The following ZKSCAN5 variants were observed in gnomAD, a reference collection of about 807,000 sequenced individuals.
ZKSCAN5 encodes zinc finger with KRAB and SCAN domains 5, also known as zinc finger protein with KRAB and SCAN domains 5.
ZKSCAN5 carries 28 observed loss-of-function variants against 60.0 expected under a neutral mutation model. That is an observed-to-expected ratio of 0.47 (90% CI 0.35 to 0.64). The LOEUF (loss-of-function observed/expected upper bound fraction) is 0.64, where lower values mean the gene tolerates loss of function less well. Among genes scored for constraint, ZKSCAN5 ranks in the 30% least tolerant of loss-of-function variants. The pLI is 0.01. For missense variants in ZKSCAN5, 881 were observed against 1,034.6 expected, an observed-to-expected ratio of 0.85 and a Z score of 2.04; for synonymous variants, 361 against 371.2, an observed-to-expected ratio of 0.97 and a Z score of 0.31.
Position 99,526,231 on chromosome 7 carries a change from A to G in ZKSCAN5, c.1191A>G (p.Thr397=), listed in dbSNP as rs756174982. The change falls in exon 6 of 7, where the codon ACA becomes ACG. Residue 397 remains threonine, a synonymous_variant. Coordinates refer to ENST00000326775, the MANE Select transcript of ZKSCAN5 (RefSeq NM_145102.4). The part of the protein sequence containing the change: ...VHLTQHQRVH[T]GEKPYKCQVC... ...TCACCCAGCACCAGCGCGTCCACAC[A>G]GGGGAGAAACCCTACAAATGTCAGG... The G allele has an allele frequency of 1.1e-5, 17 of 1,614,152 alleles. No homozygotes were observed. The highest frequency in any genetic ancestry group is 5.0e-5 in the Admixed American group (3 of 60,032).
intron 3 of ZKSCAN5, chr7:99,513,711 G>A (rs1253524649): frequency 3.0e-6 from 1 of 333,654 alleles, no homozygotes; most frequent in Non-Finnish European, 6.2e-6. Context: ...AGATTTTCTT[G>A]TCTTAATGCT....
At chr7:99,525,440 C>T (rs1310704304) in intron 5 of ZKSCAN5, among the ~76,000 whole-genome samples, 1 of 152,142 alleles carries the variant, frequency 6.6e-6, no homozygotes, top group Non-Finnish European at 1.5e-5. Flanking sequence ...CCACTGCACT[C>T]CAGCCTGGGT....
intron 6 of ZKSCAN5, among the ~76,000 whole-genome samples, chr7:99,530,784 C>T (rs1179605106): frequency 2.6e-5 from 4 of 152,132 alleles, no homozygotes; most frequent in African/African-American, 4.8e-5. Context: ...GGGCCAGGCA[C>T]GGTGGCTTAA....
Position 99,533,265 on chromosome 7 carries a change from C to T in ZKSCAN5, c.*1016C>T, listed in dbSNP as rs901239749. On this transcript the variant is annotated 3_prime_UTR_variant, in exon 7 of 7. Transcript: ENST00000326775. ...AAGTAATCAGTCGTGAGCAGGCAGGCAGGAGGTCCTGTTAGCCCTGCCTTC... is the reference window on the plus strand; with the variant it reads ...AAGTAATCAGTCGTGAGCAGGCAGGTAGGAGGTCCTGTTAGCCCTGCCTTC... 3 of 688,828 alleles carry T rather than the reference C, an allele frequency of 4.4e-6. No individual in the cohort carries two copies. The highest frequency in any genetic ancestry group is 2.4e-4 in the Middle Eastern group (1 of 4,140). 42.7% of individuals were successfully genotyped at this position (688,828 alleles called of 1,614,324 possible). A position where few individuals can be genotyped will look rare whatever the true frequency, so the allele number is the denominator to read the frequency against.
At chr7:99,530,663 G>A (rs988791602) in intron 6 of ZKSCAN5, among the ~76,000 whole-genome samples, 1 of 152,078 alleles carries the variant, frequency 6.6e-6, no homozygotes, top group Non-Finnish European at 1.5e-5. Context: ...TTACATTCCT[G>A]TTGGCATCAA....
chr7:99,512,814 TTTTA>T (rs942536186), intron 3 of ZKSCAN5, among the ~76,000 whole-genome samples: 3 of 151,548 alleles, frequency 2.0e-5, no homozygotes, highest in African/African-American at 4.8e-5. Context: ...TTTTTTTTTC[TTTTA>T]TTTATTTATT....
At chr7:99,507,523 G>GTGTA (rs1562901576) in intron 2 of ZKSCAN5, among the ~76,000 whole-genome samples, 1 of 133,818 alleles carries the variant, frequency 7.5e-6, no homozygotes. Flanking sequence ...GTGTATATAT[G>GTGTA]TATATGTGTA....
At chr7:99,517,088 G>A (rs1302657810) in intron 3 of ZKSCAN5, among the ~76,000 whole-genome samples, 1 of 152,114 alleles carries the variant, frequency 6.6e-6, no homozygotes, top group East Asian at 1.9e-4. Flanking sequence ...TCTTTGAGAT[G>A]GAGTTTTGCT....
intron 5 of ZKSCAN5, among the ~76,000 whole-genome samples, chr7:99,522,075 A>G (rs1373768364): frequency 6.6e-6 from 1 of 152,134 alleles, no homozygotes; most frequent in African/African-American, 2.4e-5. Flanking sequence ...CTATCTCTTC[A>G]TTATAACATC....
chr7:99,520,454 A>AT (rs11419307), intron 5 of ZKSCAN5, 150 bp downstream of exon 5: 150,987 of 772,506 alleles, frequency 0.2, 18,536 homozygotes, highest in African/African-American at 0.71. Context: ...ATCAGCCTTC[A>AT]TTTTTTTTTT....
At chr7:99,519,750 G>A in intron 3 of ZKSCAN5, 77 bp from the exon 4 acceptor site, 6 of 1,436,070 alleles carry the variant, frequency 4.2e-6, no homozygotes, top group Non-Finnish European at 5.8e-6. Context: ...ATGGATTCCT[G>A]AGCATAAGAG....
At position 99,531,444 on chromosome 7, in the gene ZKSCAN5, CTG is replaced by C; in HGVS notation, c.1716_1717del (p.Lys575ThrfsTer5). The C allele has an allele frequency of 6.2e-7, 1 of 1,614,212 alleles. No individual in the cohort carries two copies. Among genetic ancestry groups the C allele is most frequent in the Non-Finnish European group, 8.5e-7 (1 of 1,180,028 alleles). ...CTTATTCAACATCAAAGAATACACA[CTG>C]GGGAGAAACCATTCAGGTGTGAGGA... On this transcript the variant is annotated frameshift_variant, in exon 7 of 7. Transcript: ENST00000326775. LOFTEE classifies it high-confidence loss of function.
chr7:99,507,543 G>GTGTA (rs1554383867), intron 2 of ZKSCAN5, among the ~76,000 whole-genome samples: 1 of 139,490 alleles, frequency 7.2e-6, no homozygotes, highest in Admixed American at 7.1e-5. Flanking sequence ...ATATATATAT[G>GTGTA]TATATATATG....
At chr7:99,521,412 G>A (rs1039137411) in intron 5 of ZKSCAN5, among the ~76,000 whole-genome samples, 2 of 152,062 alleles carry the variant, frequency 1.3e-5, no homozygotes, top group African/African-American at 4.8e-5. Context: ...TGGCCAGGCT[G>A]GTCTCAAACT....
intron 2 of ZKSCAN5, among the ~76,000 whole-genome samples, chr7:99,510,262 C>T (rs1046395734): frequency 8.8e-5 from 13 of 148,236 alleles, no homozygotes; most frequent in African/African-American, 2.7e-4. Flanking sequence ...TTTTTTAAGA[C>T]GGAGTCTGGC....
At chr7:99,522,609 C>A (rs1470452931) in intron 5 of ZKSCAN5, among the ~76,000 whole-genome samples, 1 of 151,334 alleles carries the variant, frequency 6.6e-6, no homozygotes, top group Non-Finnish European at 1.5e-5. Flanking sequence ...GAGTAGCTCC[C>A]GAGTAATTTT....
At chr7:99,517,958 A>G (rs1801338364) in intron 3 of ZKSCAN5, among the ~76,000 whole-genome samples, 1 of 152,208 alleles carries the variant, frequency 6.6e-6, no homozygotes, top group Non-Finnish European at 1.5e-5. Context: ...TTTCCAAGGT[A>G]AGAATTGTTT....
rs943025632 is a variant in ZKSCAN5 at position 99,531,623 on chromosome 7, C to A, written c.1894C>A (p.Pro632Thr). ...QHQSVHSGER[P>T]FKCNECGKGF... is the part of the protein sequence containing the mutation. ...TCAGAGCGTGCACAGTGGGGAGAGA[C>A]CCTTCAAGTGTAACGAATGTGGGAA... The change falls in exon 7 of 7, where the codon CCC becomes ACC. Residue 632 changes from proline to threonine, a missense_variant. Physicochemically the swap from Pro to Thr is conservative, Grantham distance 38. Around this residue, in one of 5 missense-constraint regions of ZKSCAN5, gnomAD observed 112 missense variants for 182.4 expected, o/e 0.61. Coordinates refer to ENST00000326775, the MANE Select transcript of ZKSCAN5 (RefSeq NM_145102.4). 2.5e-6 allele frequency: 4 copies of A among 1,614,148 alleles called. No individual in the cohort carries two copies. Among genetic ancestry groups the A allele is most frequent in the Non-Finnish European group, 3.4e-6 (4 of 1,180,034 alleles).
chr7:99,524,237 A>C (rs1801675337), intron 5 of ZKSCAN5, among the ~76,000 whole-genome samples: 2 of 151,796 alleles, frequency 1.3e-5, no homozygotes, highest in African/African-American at 2.4e-5. Flanking sequence ...CGCCTGGCTA[A>C]TTTTTTTCGT....
Sources: allele counts gnomAD v4.1 joint callset (sites outside exome capture counted in the v4.1 genomes callset), GRCh38; gene constraint gnomAD v4.1.1; regional missense constraint gnomAD v4.1.1; transcripts MANE v1.5; gene names NCBI Gene and HGNC (gene_info 2026-07-23, HGNC 2026-07-21).